The following CTIF variants were observed in gnomAD, a reference collection of about 807,000 sequenced individuals.
CTIF encodes the protein CBP80/20-dependent translation initiation factor.
CTIF carries 21 observed loss-of-function variants against 66.0 expected under a neutral mutation model. That is an observed-to-expected ratio of 0.32 (90% CI 0.23 to 0.46). CTIF has a LOEUF of 0.46. CTIF is among the 20% of genes least tolerant of loss of function. The pLI is 1.00. For missense variants in CTIF, 739 were observed against 812.7 expected (o/e 0.91, Z 1.10); for synonymous variants, 345 against 326.4 (o/e 1.06, Z -0.62).
At chr18:48,751,733 G>A (rs1292845691) in intron 7 of CTIF, among the ~76,000 whole-genome samples, 1 of 152,146 alleles carries the variant, frequency 6.6e-6, no homozygotes, top group African/African-American at 2.4e-5. Flanking sequence ...ATAGGATTAG[G>A]GGAGTGCTGA....
chr18:48,729,054 C>A (rs1448826266), intron 7 of CTIF, among the ~76,000 whole-genome samples: 3 of 152,168 alleles, frequency 2.0e-5, no homozygotes, highest in Non-Finnish European at 4.4e-5. Flanking sequence ...AACCTCTCTA[C>A]AAATGCCCTC....
intron 10 of CTIF, among the ~76,000 whole-genome samples, chr18:48,856,147 C>G (rs1434010219): frequency 6.6e-6 from 1 of 152,148 alleles, no homozygotes; most frequent in East Asian, 1.9e-4. Context: ...GTCCGTGGGG[C>G]TTGGTGAGCT....
chr18:48,680,897 G>A (rs78415359), intron 6 of CTIF, among the ~76,000 whole-genome samples: 2,846 of 152,328 alleles, frequency 0.019, 37 homozygotes, highest in Non-Finnish European at 0.031. Context: ...GTTTAGGGGC[G>A]GAGAAGCCCA....
chr18:48,704,951 G>A (rs546868124), intron 6 of CTIF, among the ~76,000 whole-genome samples: 1 of 152,346 alleles, frequency 6.6e-6, no homozygotes, highest in East Asian at 1.9e-4. Flanking sequence ...TGAGGACTGG[G>A]TAGAGACAAC....
chr18:48,623,815 G>T (rs75771127), intron 2 of CTIF, among the ~76,000 whole-genome samples: 7 of 152,054 alleles, frequency 4.6e-5, no homozygotes, highest in Non-Finnish European at 1.0e-4. Flanking sequence ...TGTTCCTCTC[G>T]TCCTTCCCAG....
intron 1 of CTIF, among the ~76,000 whole-genome samples, chr18:48,552,724 G>A (rs144305326): frequency 6.6e-6 from 1 of 152,276 alleles, no homozygotes; most frequent in East Asian, 1.9e-4. Flanking sequence ...AGACAGTAGC[G>A]GAGGTTGAGT....
chr18:48,557,047 T>C (rs1478938658), intron 1 of CTIF, among the ~76,000 whole-genome samples: 1 of 151,966 alleles, frequency 6.6e-6, no homozygotes, highest in Non-Finnish European at 1.5e-5. Context: ...GCTGTTCTTA[T>C]GATCATAGGC....
chr18:48,670,020 G>A (rs1041200956), intron 5 of CTIF, among the ~76,000 whole-genome samples: 2 of 151,244 alleles, frequency 1.3e-5, no homozygotes, highest in African/African-American at 4.9e-5. Flanking sequence ...GTACAGAGAG[G>A]TTAAACAACT....
At chr18:48,827,110 T>C (rs1432860998) in intron 10 of CTIF, among the ~76,000 whole-genome samples, 1 of 152,092 alleles carries the variant, frequency 6.6e-6, no homozygotes, top group Non-Finnish European at 1.5e-5. Context: ...CGTGGCCAGC[T>C]CCGGCTCTCA....
chr18:48,699,708 C>T lies in CTIF; in HGVS notation c.508-11911C>T, dbSNP rs546837249. Among the ~76,000 whole-genome samples the T allele has an allele frequency of 5.3e-5, 8 of 152,278 alleles. No individual in the cohort carries two copies. The East Asian group carries it at 5.8e-4, about 11-fold the overall frequency. Reference sequence around the variant, plus strand: ...GCGGGGCATTCTTGAGCTGGGCTGTCGACATGCCATTCATGCCCAGTCATC... The same window carrying T: ...GCGGGGCATTCTTGAGCTGGGCTGTTGACATGCCATTCATGCCCAGTCATC... On this transcript the variant is annotated intron_variant, in intron 6 of 11. Coordinates refer to ENST00000256413, the MANE Select transcript of CTIF (RefSeq NM_014772.3).
At chr18:48,545,740 G>A (rs2088730931) in intron 1 of CTIF, among the ~76,000 whole-genome samples, 1 of 152,196 alleles carries the variant, frequency 6.6e-6, no homozygotes, top group Non-Finnish European at 1.5e-5. Flanking sequence ...GTGCAAGCTA[G>A]AGGCTGCAGA....
Position 48,656,116 on chromosome 18 carries a change from A to T in CTIF, c.253-7636A>T, listed in dbSNP as rs4939792. On this transcript the variant is annotated intron_variant, in intron 3 of 11. Coordinates refer to ENST00000256413, the MANE Select transcript of CTIF (RefSeq NM_014772.3). ...CCTCTCTCTTCACTGCAGATGATGC[A>T]CTTCCTCCACCAGCACTGCCTTCCC... 3.3e-5 allele frequency among the ~76,000 whole-genome samples: 5 copies of T among 152,232 alleles called. No homozygotes were observed. In the South Asian group the frequency reaches 1.0e-3, roughly 32 times the overall value.
intron 2 of CTIF, among the ~76,000 whole-genome samples, chr18:48,623,540 GT>G (rs59456710): frequency 1.8e-4 from 25 of 139,088 alleles, no homozygotes; most frequent in East Asian, 2.1e-4. Context: ...ACTTTGGCTT[GT>G]TTTTTTTTTT....
intron 3 of CTIF, among the ~76,000 whole-genome samples, chr18:48,660,063 C>G (rs1271110176): frequency 6.9e-6 from 1 of 145,748 alleles, no homozygotes; most frequent in East Asian, 2.0e-4. Flanking sequence ...CACCGTGACT[C>G]CACCACCTGC....
chr18:48,552,080 G>A (rs948272368), intron 1 of CTIF, among the ~76,000 whole-genome samples: 4 of 152,210 alleles, frequency 2.6e-5, no homozygotes, highest in South Asian at 2.1e-4. Context: ...GGGATTACAG[G>A]CGTGAGCCAC....
intron 1 of CTIF, among the ~76,000 whole-genome samples, chr18:48,600,244 A>G (rs2090066753): frequency 6.6e-6 from 1 of 152,038 alleles, no homozygotes; most frequent in South Asian, 2.1e-4. Context: ...AGGAAGTAAC[A>G]AGAGTGACTT....
intron 6 of CTIF, among the ~76,000 whole-genome samples, chr18:48,675,075 G>C (rs1169546123): frequency 3.4e-4 from 52 of 151,874 alleles, no homozygotes; most frequent in Non-Finnish European, 5.9e-4. Context: ...GGTGGGAGAT[G>C]GGGGGCAGCA....
intron 1 of CTIF, among the ~76,000 whole-genome samples, chr18:48,604,320 G>A (rs140641048): frequency 1.6e-4 from 25 of 151,648 alleles, no homozygotes; most frequent in African/African-American, 6.1e-4. Context: ...GGGACTACAG[G>A]CGCCTGCCAC....
intron 10 of CTIF, among the ~76,000 whole-genome samples, chr18:48,831,936 A>G (rs140049492): frequency 6.6e-6 from 1 of 152,296 alleles, no homozygotes; most frequent in African/African-American, 2.4e-5. Context: ...GCCTGTGGCT[A>G]TTACGCTGGA....
Sources: allele counts gnomAD v4.1 joint callset (sites outside exome capture counted in the v4.1 genomes callset), GRCh38; gene constraint gnomAD v4.1.1; transcripts MANE v1.5; gene names NCBI Gene and HGNC (gene_info 2026-07-23, HGNC 2026-07-21).